Variants in RELN observed in about 807,000 individuals in gnomAD.
RELN encodes reelin.
A neutral mutation model predicts 427.6 loss-of-function variants in RELN; 108 were observed. That is an observed-to-expected ratio of 0.25 (90% confidence interval 0.22 to 0.30). RELN has a LOEUF of 0.30. RELN is among the 10% of genes least tolerant of loss of function. RELN has a pLI of 1.00. For missense variants in RELN, 3,715 were observed against 4,302.8 expected (o/e 0.86, Z 3.82); for synonymous variants, 1,524 against 1,513.4 (o/e 1.01, Z -0.16).
At chr7:103,858,490 G>A (rs950388247) in intron 2 of RELN, among the ~76,000 whole-genome samples, 3 of 152,104 alleles carry the variant, frequency 2.0e-5, no homozygotes, top group Admixed American at 6.6e-5. Context: ...TGTAATGGGG[G>A]CTAGGAGTTA....
chr7:103,487,207 T>C (rs1338653346), intron 60 of RELN, among the ~76,000 whole-genome samples: 6 of 151,906 alleles, frequency 3.9e-5, no homozygotes, highest in African/African-American at 1.5e-4. Flanking sequence ...AGTTGAACAA[T>C]TAGAACAGAT....
intron 2 of RELN, among the ~76,000 whole-genome samples, chr7:103,876,783 T>C: frequency 6.6e-6 from 1 of 151,950 alleles, no homozygotes; most frequent in Middle Eastern, 3.4e-3. Context: ...GTCTGCTCTT[T>C]TTTTTAAAAA....
At position 103,510,844 on chromosome 7, in the gene RELN, A is replaced by G. The variant is rs777738604; in HGVS notation, c.8274+7T>C. 12 of 1,608,554 alleles carry G rather than the reference A, an allele frequency of 7.5e-6. No homozygotes were observed. In the South Asian group the frequency reaches 1.1e-4, roughly 15 times the overall value. ...TTGTTTATATAATCAAGATCATAAC[A>G]TTTCACCTTGAATTGCATAATCCAG... On this transcript the variant is annotated splice_region_variant and intron_variant, in intron 51 of 64. Coordinates refer to ENST00000428762, the MANE Select transcript of RELN (RefSeq NM_005045.4).
intron 53 of RELN, among the ~76,000 whole-genome samples, chr7:103,499,956 G>C (rs1828969978): frequency 6.6e-6 from 1 of 152,168 alleles, no homozygotes; most frequent in African/African-American, 2.4e-5. Flanking sequence ...ACACAAATGA[G>C]CATTGTTCCA....
chr7:103,963,927 T>C (rs890293213), intron 1 of RELN, among the ~76,000 whole-genome samples: 1 of 152,008 alleles, frequency 6.6e-6, no homozygotes, highest in East Asian at 1.9e-4. Context: ...CTTTGGAAAG[T>C]TGAAGCGAGA....
intron 12 of RELN, among the ~76,000 whole-genome samples, chr7:103,655,007 T>A (rs1430071937): frequency 1.3e-5 from 2 of 152,048 alleles, no homozygotes. Context: ...AGACGGGGTC[T>A]CCCTATGTTG....
chr7:103,629,603 C>T (rs768345992), intron 20 of RELN, among the ~76,000 whole-genome samples: 4 of 151,398 alleles, frequency 2.6e-5, no homozygotes, highest in Non-Finnish European at 4.4e-5. Context: ...ATGGTCATCA[C>T]TTTAATAACT....
At chr7:103,554,711 A>C (rs998953036) in intron 38 of RELN, among the ~76,000 whole-genome samples, 1 of 152,222 alleles carries the variant, frequency 6.6e-6, no homozygotes, top group African/African-American at 2.4e-5. Flanking sequence ...CCTTCAAATA[A>C]TAGCAGTGCT....
At chr7:103,702,351 G>T (rs919822120) in intron 8 of RELN, among the ~76,000 whole-genome samples, 1 of 152,142 alleles carries the variant, frequency 6.6e-6, no homozygotes, top group Admixed American at 6.5e-5. Flanking sequence ...AATGTTACTC[G>T]TGTGCTTCCT....
intron 20 of RELN, among the ~76,000 whole-genome samples, chr7:103,615,828 T>G (rs1315995491): frequency 6.6e-6 from 1 of 152,214 alleles, no homozygotes; most frequent in Non-Finnish European, 1.5e-5. Context: ...CTATAGTTAC[T>G]TAAATGCTGT....
rs1293482234 is a variant in RELN at position 103,545,129 on chromosome 7, A to T, written c.6518T>A (p.Phe2173Tyr). Reference protein sequence around the residue: ...TKNPDFLKDDFEGQLESDRFL... With the variant: ...TKNPDFLKDDYEGQLESDRFL... ...AATTTGTAAGAAAAGACTACCTTCG[A>T]AATCATCTTTGAGAAAATCAGGATT... The change falls in exon 42 of 65, where the codon TTC becomes TAC. Residue 2173 changes from phenylalanine (F) to tyrosine (Y), a missense_variant. Physicochemically the swap from Phe to Tyr is conservative, Grantham distance 22. Around this residue, in one of 4 missense-constraint regions of RELN, gnomAD observed 1,310 missense variants for 1,643.0 expected, o/e 0.80. Coordinates refer to ENST00000428762, the MANE Select transcript of RELN (RefSeq NM_005045.4). 1 of 1,613,050 alleles carries T rather than the reference A, an allele frequency of 6.2e-7. No individual in the cohort carries two copies. The highest frequency in any genetic ancestry group is 8.5e-7 in the Non-Finnish European group (1 of 1,179,662).
intron 8 of RELN, among the ~76,000 whole-genome samples, chr7:103,712,323 G>A (rs1789824110): frequency 1.3e-5 from 2 of 152,126 alleles, no homozygotes; most frequent in Non-Finnish European, 2.9e-5. Context: ...TCCCTCTTGA[G>A]TAGTTGGCAT....
intron 2 of RELN, among the ~76,000 whole-genome samples, chr7:103,835,733 T>A (rs1437066946): frequency 6.6e-6 from 1 of 152,190 alleles, no homozygotes; most frequent in East Asian, 1.9e-4. Context: ...CTCTTTGAGA[T>A]CCAGTTTTCT....
At chr7:103,743,607 G>A (rs1257193446) in intron 6 of RELN, among the ~76,000 whole-genome samples, 1 of 152,160 alleles carries the variant, frequency 6.6e-6, no homozygotes, top group East Asian at 1.9e-4. Context: ...GGCAGGGGTT[G>A]CAATCGTAGT....
At chr7:103,599,972 C>G (rs547176818) in intron 24 of RELN, among the ~76,000 whole-genome samples, 39 of 152,304 alleles carry the variant, frequency 2.6e-4, no homozygotes, top group Non-Finnish European at 2.4e-4. Flanking sequence ...TCACAGCTCA[C>G]CGCAACCTCA....
In RELN at chr7:103,765,894, T is replaced by C. The variant is rs150255411; in HGVS notation, c.544+10663A>G. Among the ~76,000 whole-genome samples, 279 of 152,344 alleles carry C rather than the reference T, an allele frequency of 1.8e-3. 3 individuals are homozygous for C. The highest frequency in any genetic ancestry group is 6.5e-3 in the African/African-American group (270 of 41,584). On this transcript the variant is annotated intron_variant, in intron 4 of 64. Transcript: ENST00000428762. ...AAAAGAAGGCTGTTTAAATCTATGT[T>C]CAATCATCTTGGGATAAACAGCACC...
At chr7:103,905,345 C>G (rs1317639278) in intron 2 of RELN, among the ~76,000 whole-genome samples, 1 of 152,114 alleles carries the variant, frequency 6.6e-6, no homozygotes, top group Non-Finnish European at 1.5e-5. Context: ...GTGTCTGCCA[C>G]CTCCAGGAGA....
chr7:103,753,029 A>G (rs1240600766), intron 5 of RELN, among the ~76,000 whole-genome samples, 153 bp downstream of exon 5: 1 of 152,200 alleles, frequency 6.6e-6, no homozygotes, highest in Non-Finnish European at 1.5e-5. Flanking sequence ...TCTGTGTTCA[A>G]GTATAATCCG....
chr7:103,682,170 G>A lies in RELN; in HGVS notation c.1235C>T (p.Ser412Phe). 1 of 1,613,844 alleles carries A rather than the reference G, an allele frequency of 6.2e-7. No homozygotes were observed. The highest frequency in any genetic ancestry group is 8.5e-7 in the Non-Finnish European group (1 of 1,179,816). ...CCATTGCTCTTGAATATCTTCTGTG[G>A]AAAGATCTACATCCCTGGTGGTGGC... ...NFATTRDVDL[S>F]TEDIQEQWSE... The change falls in exon 11 of 65, where the codon TCC (serine) becomes TTC (phenylalanine). Residue 412 changes from serine to phenylalanine, a missense_variant. Transcript: ENST00000428762.
Sources: allele counts gnomAD v4.1 joint callset (sites outside exome capture counted in the v4.1 genomes callset), GRCh38; gene constraint gnomAD v4.1.1; regional missense constraint gnomAD v4.1.1; transcripts MANE v1.5; gene names NCBI Gene and HGNC (gene_info 2026-07-23, HGNC 2026-07-21).